Variants in CCSER1 observed in about 807,000 individuals in gnomAD.
CCSER1 encodes the protein serine-rich coiled-coil domain-containing protein 1.
A neutral mutation model predicts 82.0 loss-of-function variants in CCSER1; 41 were observed. The observed-to-expected ratio is 0.50, with a 90% CI of 0.39 to 0.65. The LOEUF is 0.65. Ranked by LOEUF, CCSER1 falls within the 30% of genes least tolerant of loss-of-function variation. The probability of loss-of-function intolerance (pLI) is 0.00; values close to 1 mark genes in which losing one functional copy is unlikely to be tolerated. For missense variants in CCSER1, 1,119 were observed against 1,064.2 expected (o/e 1.05, Z -0.72); for synonymous variants, 414 against 383.9 (o/e 1.08, Z -0.92).
rs551428292 is a variant in CCSER1 at position 91,418,722 on chromosome 4, C to A, written c.2218-179850C>A. Among the ~76,000 whole-genome samples, 8 of 152,098 alleles carry A rather than the reference C, an allele frequency of 5.3e-5. No homozygotes were observed. The South Asian group carries it at 1.7e-3, about 31-fold the overall frequency. ...ACACCTCCCAAACTCATTTACTATG[C>A]TAGCCTTACCTTGATACTTTGGTAT... is the stretch of plus-strand genomic sequence containing the variant. On this transcript the variant is annotated intron_variant, in intron 10 of 10. Transcript: ENST00000509176.
chr4:91,537,488 A>G (rs938549281), intron 10 of CCSER1, among the ~76,000 whole-genome samples: 5 of 152,046 alleles, frequency 3.3e-5, no homozygotes, highest in African/African-American at 1.2e-4. Context: ...TTTAAATAGG[A>G]AACAGCATGT....
At chr4:90,726,760 A>G (rs1743714483) in intron 7 of CCSER1, among the ~76,000 whole-genome samples, 1 of 152,140 alleles carries the variant, frequency 6.6e-6, no homozygotes, top group Non-Finnish European at 1.5e-5. Context: ...TAGCCTTTCA[A>G]AACTGAGGAC....
In CCSER1 at chr4:90,822,727, C is replaced by CA. The variant is rs58985334; in HGVS notation, c.2094+6904dup. Among the ~76,000 whole-genome samples, 330 of 76,438 alleles carry CA rather than the reference C, an allele frequency of 4.3e-3. 1 individual carries two copies. Among genetic ancestry groups the CA allele is most frequent in the Non-Finnish European group, 5.7e-3 (220 of 38,654 alleles). 50.1% of individuals were successfully genotyped at this position (76,438 alleles called of 152,430 possible). On this transcript the variant is annotated intron_variant, in intron 8 of 10. Transcript: ENST00000509176. ...TGGGGGACAGAGTGAGACTCCATCT[C>CA]AAAAAAAAAAAAAAAAAAAAAAGTT...
intron 10 of CCSER1, among the ~76,000 whole-genome samples, chr4:91,350,952 T>C (rs1748430821): frequency 6.6e-6 from 1 of 152,048 alleles, no homozygotes; most frequent in South Asian, 2.1e-4. Flanking sequence ...CAATAAAAAA[T>C]TTATTTATGA....
chr4:90,434,897 CT>C (rs1424988042), intron 4 of CCSER1, among the ~76,000 whole-genome samples: 24 of 152,242 alleles, frequency 1.6e-4, no homozygotes, highest in African/African-American at 5.5e-4. Context: ...TTCCCCACTT[CT>C]TTTCGTCTTG....
intron 7 of CCSER1, among the ~76,000 whole-genome samples, chr4:90,793,464 AT>A (rs1755547610): frequency 6.6e-6 from 1 of 152,068 alleles, no homozygotes; most frequent in Admixed American, 6.5e-5. Context: ...TTTGTTGAGG[AT>A]AATGGCCTCC....
At chr4:90,996,468 C>G (rs1046001364) in intron 9 of CCSER1, among the ~76,000 whole-genome samples, 1 of 151,898 alleles carries the variant, frequency 6.6e-6, no homozygotes, top group Admixed American at 6.6e-5. Flanking sequence ...ATTAGTGGAC[C>G]TGTCATGAAG....
intron 10 of CCSER1, among the ~76,000 whole-genome samples, chr4:91,520,993 C>T (rs1458768555): frequency 4.6e-5 from 5 of 108,402 alleles, no homozygotes; most frequent in Admixed American, 1.9e-4. Flanking sequence ...CCCATCAACT[C>T]GTCATTTACA....
intron 1 of CCSER1, among the ~76,000 whole-genome samples, chr4:90,240,596 TTCTA>T (rs1746648425): frequency 6.6e-6 from 1 of 152,138 alleles, no homozygotes; most frequent in Non-Finnish European, 1.5e-5. Context: ...CTTAAAAGAA[TTCTA>T]TCTATGATCA....
chr4:91,104,667 A>G (rs1220242305), intron 10 of CCSER1, among the ~76,000 whole-genome samples: 2 of 152,340 alleles, frequency 1.3e-5, no homozygotes, highest in East Asian at 3.9e-4. Flanking sequence ...CTTTAACAGC[A>G]TCATTTTAAT....
At chr4:91,366,915 G>T (rs1560615570) in intron 10 of CCSER1, among the ~76,000 whole-genome samples, 2 of 152,028 alleles carry the variant, frequency 1.3e-5, no homozygotes, top group Non-Finnish European at 2.9e-5. Context: ...TGTAAATTTT[G>T]TTTGCTGTTG....
At chr4:90,401,968 A>G (rs1244932566) in intron 4 of CCSER1, among the ~76,000 whole-genome samples, 1 of 152,220 alleles carries the variant, frequency 6.6e-6, no homozygotes, top group Non-Finnish European at 1.5e-5. Flanking sequence ...CTCTTGATGC[A>G]ATGCTGACTG....
At chr4:90,218,734 G>T (rs569604308) in intron 1 of CCSER1, among the ~76,000 whole-genome samples, 1 of 152,074 alleles carries the variant, frequency 6.6e-6, no homozygotes, top group Non-Finnish European at 1.5e-5. Flanking sequence ...ACTTGAAAAA[G>T]ATTAGGCCAG....
intron 9 of CCSER1, among the ~76,000 whole-genome samples, chr4:90,998,949 G>C (rs193197553): frequency 1.3e-5 from 2 of 152,102 alleles, no homozygotes; most frequent in African/African-American, 4.8e-5. Context: ...TGAGTACCCA[G>C]TGTCTAGCTC....
At chr4:91,131,001 A>T (rs1300281480) in intron 10 of CCSER1, among the ~76,000 whole-genome samples, 2 of 151,850 alleles carry the variant, frequency 1.3e-5, no homozygotes, top group East Asian at 3.9e-4. Flanking sequence ...AAAACATATA[A>T]TTCATGTGGA....
At chr4:90,245,231 T>C (rs1721206094) in intron 1 of CCSER1, among the ~76,000 whole-genome samples, 3 of 152,256 alleles carry the variant, frequency 2.0e-5, no homozygotes, top group African/African-American at 7.2e-5. Flanking sequence ...AAAGGCCTAC[T>C]TGTTCACACA....
intron 10 of CCSER1, among the ~76,000 whole-genome samples, chr4:91,489,946 T>C (rs1758426072): frequency 6.6e-6 from 1 of 152,076 alleles, no homozygotes; most frequent in African/African-American, 2.4e-5. Context: ...TATGAATAGA[T>C]ATTTCTCAAA....
At chr4:90,520,784 A>G (rs531422482) in intron 5 of CCSER1, among the ~76,000 whole-genome samples, 1 of 152,172 alleles carries the variant, frequency 6.6e-6, no homozygotes. Flanking sequence ...GTTAAAATAG[A>G]TATGTGAAAC....
chr4:90,471,870 G>T (rs1238759789), intron 5 of CCSER1, among the ~76,000 whole-genome samples: 2 of 151,958 alleles, frequency 1.3e-5, no homozygotes, highest in Non-Finnish European at 2.9e-5. Flanking sequence ...CCAGCTACTT[G>T]CAAGGCTGAG....
Sources: allele counts gnomAD v4.1 joint callset (sites outside exome capture counted in the v4.1 genomes callset), GRCh38; gene constraint gnomAD v4.1.1; transcripts MANE v1.5; gene names NCBI Gene and HGNC (gene_info 2026-07-23, HGNC 2026-07-21).